CHD7: variants seen among roughly 807,000 people sequenced by gnomAD.
CHD7 encodes the protein chromodomain helicase DNA binding protein 7, also known as ATP-dependent chromatin remodeler CHD7.
A neutral mutation model predicts 307.3 loss-of-function variants in CHD7; 24 were observed. The ratio of observed to expected loss-of-function variants is 0.08; its 90% CI spans 0.06 to 0.11. The LOEUF is 0.11. CHD7 is among the 10% of genes least tolerant of loss of function. The probability of loss-of-function intolerance (pLI) is 1.00; values close to 1 mark genes in which losing one functional copy is unlikely to be tolerated. For missense variants in CHD7, 3,106 were observed against 3,727.1 expected, an observed-to-expected ratio of 0.83 and a Z score of 4.34; for synonymous variants, 1,363 against 1,349.9, an observed-to-expected ratio of 1.01 and a Z score of -0.21.
At chr8:60,699,774 A>G (rs776182224) in intron 1 of CHD7, among the ~76,000 whole-genome samples, 2 of 152,084 alleles carry the variant, frequency 1.3e-5, no homozygotes, top group African/African-American at 2.4e-5. Context: ...TCTCACCTGC[A>G]TAACAGGTTA....
intron 7 of CHD7, among the ~76,000 whole-genome samples, chr8:60,814,791 A>T (rs1248770053): frequency 6.6e-6 from 1 of 152,264 alleles, no homozygotes; most frequent in Non-Finnish European, 1.5e-5. Flanking sequence ...AAATACTTGC[A>T]GTCCTAGCAC....
At chr8:60,841,154 A>G (rs1034263329) in intron 19 of CHD7, among the ~76,000 whole-genome samples, 1 of 152,164 alleles carries the variant, frequency 6.6e-6, no homozygotes, top group Non-Finnish European at 1.5e-5. Context: ...ACATATACAG[A>G]CACTGCTTGA....
At chr8:60,691,180 C>T (rs1446242799) in intron 1 of CHD7, among the ~76,000 whole-genome samples, 2 of 152,164 alleles carry the variant, frequency 1.3e-5, no homozygotes, top group East Asian at 1.9e-4. Flanking sequence ...CCTCGGCCTC[C>T]CACAGTGCTG....
rs190548814 is a variant in CHD7 at position 60,830,496 on chromosome 8, G to A, written c.3697G>A (p.Gly1233Ser). The A allele has an allele frequency of 4.2e-4, 683 of 1,613,946 alleles. 4 individuals are homozygous for A. The African/African-American group carries it at 8.3e-3, about 20-fold the overall frequency. Residue 1233 changes from glycine to serine, a missense_variant, in exon 15 of 38, where the codon GGT (glycine) becomes AGT (serine). Physicochemically the swap from Gly to Ser is moderately conservative, Grantham distance 56 (BLOSUM62 0). Around this residue, in one of 10 missense-constraint regions of CHD7, gnomAD observed 232 missense variants for 422.5 expected, o/e 0.55. Coordinates refer to ENST00000423902, the MANE Select transcript of CHD7 (RefSeq NM_017780.4). Reference sequence around the variant, plus strand: ...GAATTTCACATTTCTTTCCAAAGGCGGTGGTCAAGCTAACGTACCTAACCT... The same window carrying A: ...GAATTTCACATTTCTTTCCAAAGGCAGTGGTCAAGCTAACGTACCTAACCT... Reference protein sequence around the residue: ...EKNFTFLSKGGGQANVPNLLN... With the variant: ...EKNFTFLSKGSGQANVPNLLN...
intron 15 of CHD7, 82 bp downstream of exon 15, chr8:60,830,659 C>A: frequency 6.7e-7 from 1 of 1,487,008 alleles, no homozygotes. Flanking sequence ...CTGGGGATTT[C>A]ATGGTGTATA....
At chr8:60,772,129 T>C (rs1293160784) in intron 2 of CHD7, among the ~76,000 whole-genome samples, 4 of 152,218 alleles carry the variant, frequency 2.6e-5, no homozygotes, top group Admixed American at 1.3e-4. Flanking sequence ...CATTAAGCAA[T>C]TATTGAAAAC....
intron 17 of CHD7, 75 bp downstream of exon 17, chr8:60,837,087 G>C: frequency 1.7e-6 from 2 of 1,188,694 alleles, no homozygotes; most frequent in African/African-American, 3.1e-5. Flanking sequence ...GTACCAGTCA[G>C]ACCCATAAAT....
chr8:60,704,193 T>A (rs1282170100), intron 1 of CHD7, among the ~76,000 whole-genome samples: 1 of 152,186 alleles, frequency 6.6e-6, no homozygotes. Flanking sequence ...GAATTTATCG[T>A]TTTGTGTTTA....
chr8:60,748,156 A>G (rs1809427403), intron 2 of CHD7, among the ~76,000 whole-genome samples: 1 of 152,234 alleles, frequency 6.6e-6, no homozygotes, highest in Non-Finnish European at 1.5e-5. Flanking sequence ...AGCACACTGT[A>G]GAGATCAGCA....
At chr8:60,853,556 CGTTGCTTTCT>C in intron 31 of CHD7, 56 bp downstream of exon 31, 1 of 1,387,678 alleles carries the variant, frequency 7.2e-7, no homozygotes, top group South Asian at 1.7e-5. Context: ...TTGTGAGATG[CGTTGCTTTCT>C]GGCAGCACGG....
At chr8:60,850,422 T>C (rs1805400788) in intron 25 of CHD7, 71 bp from the exon 26 acceptor site, 3 of 1,539,608 alleles carry the variant, frequency 1.9e-6, no homozygotes, top group Non-Finnish European at 2.6e-6. Flanking sequence ...GTGGCAGTGC[T>C]GTGATTTTGC....
In CHD7 at chr8:60,722,319, A is replaced by G. The variant is rs116247542; in HGVS notation, c.-174-18940A>G. ...TTTCTAGTTCTACTCCATGGGTACG[A>G]TTGTGGTCATGCTTTTCATATCCAG... On this transcript the variant is annotated intron_variant, in intron 1 of 37. Transcript: ENST00000423902. Among the ~76,000 whole-genome samples the G allele has an allele frequency of 4.7e-3, 719 of 152,264 alleles. 2 individuals carry two copies. The highest frequency in any genetic ancestry group is 0.016 in the African/African-American group (678 of 41,536).
At chr8:60,845,127 A>G in intron 22 of CHD7, 64 bp downstream of exon 22, 1 of 1,592,042 alleles carries the variant, frequency 6.3e-7, no homozygotes, top group East Asian at 2.2e-5. Context: ...TTTGTGACAC[A>G]CTGTTGATAA....
chr8:60,691,898 G>C (rs1419563723), intron 1 of CHD7, among the ~76,000 whole-genome samples: 1 of 152,064 alleles, frequency 6.6e-6, no homozygotes, highest in African/African-American at 2.4e-5. Flanking sequence ...ATATTTATTG[G>C]GAGTTAGAAT....
intron 2 of CHD7, among the ~76,000 whole-genome samples, chr8:60,767,662 C>T (rs530724119): frequency 6.6e-6 from 1 of 152,182 alleles, no homozygotes; most frequent in Non-Finnish European, 1.5e-5. Context: ...GAAGTCAATG[C>T]TGTCTCCCTG....
At chr8:60,779,571 G>A (rs1811105758) in intron 2 of CHD7, among the ~76,000 whole-genome samples, 1 of 152,158 alleles carries the variant, frequency 6.6e-6, no homozygotes, top group South Asian at 2.1e-4. Flanking sequence ...ACCTAGCTTG[G>A]TGCATGGCAT....
intron 1 of CHD7, among the ~76,000 whole-genome samples, chr8:60,690,293 TC>T (rs1171359847): frequency 6.6e-6 from 1 of 152,220 alleles, no homozygotes; most frequent in East Asian, 1.9e-4. Context: ...ATAGTTTTTT[TC>T]TTTTCACAAT....
intron 4 of CHD7, among the ~76,000 whole-genome samples, chr8:60,799,072 G>A (rs150628650): frequency 1.3e-5 from 2 of 152,294 alleles, no homozygotes; most frequent in African/African-American, 4.8e-5. Flanking sequence ...TACTCATTGA[G>A]GCATAGAGAA....
intron 1 of CHD7, among the ~76,000 whole-genome samples, chr8:60,689,299 G>A (rs1477490786): frequency 6.6e-6 from 1 of 152,220 alleles, no homozygotes; most frequent in Non-Finnish European, 1.5e-5. Context: ...GCTCCAAGGG[G>A]TTGATGTCAG....
Sources: gnomAD v4.1 joint callset for allele counts (sites outside exome capture counted in the v4.1 genomes callset) on GRCh38, gnomAD v4.1.1 for gene constraint, gnomAD v4.1.1 regional missense constraint, MANE v1.5 for transcripts, NCBI Gene and HGNC (gene_info 2026-07-23, HGNC 2026-07-21) for gene names.